The following DCUN1D4 variants were observed in gnomAD, a reference collection of about 807,000 sequenced individuals.
DCUN1D4 encodes the protein DCN1-like protein 4.
In DCUN1D4, 22 loss-of-function variants were observed where a neutral mutation model predicts 47.9. That is an observed-to-expected ratio of 0.46 (90% CI 0.33 to 0.66). The LOEUF (loss-of-function observed/expected upper bound fraction) is 0.66. Ranked by LOEUF, DCUN1D4 falls within the 30% of genes least tolerant of loss-of-function variation. The pLI, the probability that DCUN1D4 is intolerant of heterozygous loss-of-function variation, is 0.02. For synonymous variants in DCUN1D4, 121 were observed against 112.2 expected, an observed-to-expected ratio of 1.08 and a Z score of -0.50; for missense variants, 301 against 340.8, an observed-to-expected ratio of 0.88 and a Z score of 0.92.
intron 1 of DCUN1D4, among the ~76,000 whole-genome samples, chr4:51,844,732 C>T (rs1371018847): frequency 6.6e-6 from 1 of 151,898 alleles, no homozygotes; most frequent in Non-Finnish European, 1.5e-5. Flanking sequence ...TAGGGTTTGT[C>T]TCCAGTCAAC....
chr4:51,841,549 C>CTAAT (rs1721652815), upstream of DCUN1D4, among the ~76,000 whole-genome samples: 1 of 151,972 alleles, frequency 6.6e-6, no homozygotes, highest in South Asian at 2.1e-4. Context: ...GAACCTGAAG[C>CTAAT]AAATAATAAA....
chr4:51,886,667 T>G, intron 6 of DCUN1D4, 29 bp downstream of exon 6: 1 of 1,581,238 alleles, frequency 6.3e-7, no homozygotes, highest in Non-Finnish European at 8.7e-7. Flanking sequence ...GTTGGGTGAA[T>G]CAGTTGGTTG....
At chr4:51,847,793 A>G (rs1190136295) in intron 1 of DCUN1D4, among the ~76,000 whole-genome samples, 1 of 151,948 alleles carries the variant, frequency 6.6e-6, no homozygotes, top group East Asian at 1.9e-4. Flanking sequence ...ATTTTTCTTT[A>G]CTGTGCTCCC....
At chr4:51,889,483 T>G (rs891663597) in intron 6 of DCUN1D4, among the ~76,000 whole-genome samples, 2 of 152,256 alleles carry the variant, frequency 1.3e-5, no homozygotes, top group African/African-American at 4.8e-5. Flanking sequence ...TTCTTGTTAG[T>G]TAACTTATGA....
chr4:51,862,795 A>AG (rs1725274056), intron 1 of DCUN1D4, among the ~76,000 whole-genome samples: 1 of 151,702 alleles, frequency 6.6e-6, no homozygotes, highest in Non-Finnish European at 1.5e-5. Flanking sequence ...GATCACTTGA[A>AG]CCCAGGAGTT....
chr4:51,905,626 T>C (rs150627320), intron 8 of DCUN1D4, among the ~76,000 whole-genome samples: 42 of 152,286 alleles, frequency 2.8e-4, no homozygotes, highest in African/African-American at 1.0e-3. Flanking sequence ...TAAAATGCTA[T>C]ATAATTTTTC....
intron 1 of DCUN1D4, chr4:51,843,648 G>A (rs1362445646): frequency 6.4e-6 from 8 of 1,254,702 alleles, no homozygotes; most frequent in South Asian, 7.0e-5. Context: ...GGGTGGCACC[G>A]GCGGGGAGAG....
intron 8 of DCUN1D4, among the ~76,000 whole-genome samples, chr4:51,899,935 G>A (rs948443239): frequency 2.0e-5 from 3 of 152,108 alleles, no homozygotes; most frequent in African/African-American, 7.2e-5. Context: ...TGGTTCCCTT[G>A]GAGTGAAATA....
chr4:51,861,042 A>G (rs779129884), intron 1 of DCUN1D4, among the ~76,000 whole-genome samples: 5 of 152,228 alleles, frequency 3.3e-5, no homozygotes, highest in African/African-American at 7.2e-5. Context: ...AGCACTTACT[A>G]TCTTCCAGGT....
the DCUN1D4 span, among the ~76,000 whole-genome samples, chr4:51,835,443 T>C: frequency 6.6e-6 from 1 of 152,334 alleles, no homozygotes. Flanking sequence ...TATTCCCCAA[T>C]CTGTTATCTG....
intron 8 of DCUN1D4, among the ~76,000 whole-genome samples, chr4:51,903,719 A>C (rs780747138): frequency 7.9e-5 from 12 of 151,946 alleles, no homozygotes; most frequent in Non-Finnish European, 1.5e-4. Flanking sequence ...AATCATTTTT[A>C]TTACTATGTC....
the DCUN1D4 span, among the ~76,000 whole-genome samples, chr4:51,836,051 G>T: frequency 6.6e-6 from 1 of 152,166 alleles, no homozygotes. Context: ...TGCAGGCTCA[G>T]ATGTCAACCA....
Position 51,843,205 on chromosome 4 carries a change from G to A in DCUN1D4, c.-38G>A, listed in dbSNP as rs1258828876. On this transcript the variant is annotated 5_prime_UTR_variant, in exon 1 of 11. Transcript: ENST00000334635. ...GTGGGGGGACCGCGAGGCGAGCGCG[G>A]GAGCCTGGGCGGCGAGCCGGGTGTG... 4 of 1,539,380 alleles carry A rather than the reference G, an allele frequency of 2.6e-6. No homozygotes were observed. Among genetic ancestry groups the A allele is most frequent in the Non-Finnish European group, 2.6e-6 (3 of 1,143,002 alleles).
chr4:51,899,538 C>G (rs2110096389), intron 8 of DCUN1D4, among the ~76,000 whole-genome samples, 160 bp downstream of exon 8: 1 of 152,278 alleles, frequency 6.6e-6, no homozygotes, highest in East Asian at 1.9e-4. Flanking sequence ...CTTTTGAAAA[C>G]TAAGTTTGAT....
At chr4:51,895,435 T>A (rs1212706477) in intron 7 of DCUN1D4, among the ~76,000 whole-genome samples, 1 of 151,754 alleles carries the variant, frequency 6.6e-6, no homozygotes, top group Non-Finnish European at 1.5e-5. Context: ...GTATGAGAGT[T>A]TGGACTTAGG....
intron 4 of DCUN1D4, among the ~76,000 whole-genome samples, chr4:51,877,125 A>G (rs1727836800): frequency 6.6e-6 from 1 of 152,162 alleles, no homozygotes; most frequent in Non-Finnish European, 1.5e-5. Flanking sequence ...GGCTGTCCAC[A>G]AGGCTAGAAT....
rs1340502310 is a variant in DCUN1D4, at chr4:51,904,375, G to T, written c.615+4997G>T. On this transcript the variant is annotated intron_variant, in intron 8 of 10. Transcript: ENST00000334635. ...TTTGCAATGTTTCTTTTCAGACTCA[G>T]GTTGTTTCTTCACATGTGTATATGG... 2.6e-5 allele frequency among the ~76,000 whole-genome samples: 4 copies of T among 152,218 alleles called. No individual in the cohort carries two copies. In the East Asian group the frequency reaches 7.7e-4, roughly 29 times the overall value.
At chr4:51,909,771 G>A (rs1254233315) in intron 8 of DCUN1D4, among the ~76,000 whole-genome samples, 1 of 152,178 alleles carries the variant, frequency 6.6e-6, no homozygotes. Context: ...ATCTGACCTG[G>A]TCTATTCATG....
rs1332998252 is a variant in DCUN1D4 at position 51,914,628 on chromosome 4, C to T, written c.*1044C>T. 1 of 152,468 alleles carries T rather than the reference C, an allele frequency of 6.6e-6. No individual in the cohort carries two copies. Among genetic ancestry groups the T allele is most frequent in the East Asian group, 1.9e-4 (1 of 5,192 alleles). 9.4% of individuals were successfully genotyped at this position (152,468 alleles called of 1,614,324 possible). A position where few individuals can be genotyped will look rare whatever the true frequency, so the allele number is the denominator to read the frequency against. On this transcript the variant is annotated 3_prime_UTR_variant, in exon 11 of 11. Transcript: ENST00000334635. ...TTTGTTTGTTTCATGCTAGGCTTTTCCTGGCAGCATGTCCATTGCAGGCAG... is the reference window on the plus strand; with the variant it reads ...TTTGTTTGTTTCATGCTAGGCTTTTTCTGGCAGCATGTCCATTGCAGGCAG...
Sources: gnomAD v4.1 joint callset for allele counts (sites outside exome capture counted in the v4.1 genomes callset) on GRCh38, gnomAD v4.1.1 for gene constraint, MANE v1.5 for transcripts, NCBI Gene and HGNC (gene_info 2026-07-23, HGNC 2026-07-21) for gene names.